NRP1: variants seen among roughly 807,000 people sequenced by gnomAD.
NRP1 encodes neuropilin-1.
Under a neutral mutation model 106.7 loss-of-function variants are expected in NRP1, and 35 were observed. That is an observed-to-expected ratio of 0.33 (90% CI 0.25 to 0.43). The LOEUF (loss-of-function observed/expected upper bound fraction) is 0.43, where lower values mean the gene tolerates loss of function less well. Ranked by LOEUF, NRP1 falls within the 20% of genes least tolerant of loss-of-function variation. The pLI is 1.00. For synonymous variants in NRP1, 437 were observed against 417.9 expected, an observed-to-expected ratio of 1.05 and a Z score of -0.56; for missense variants, 1,024 against 1,170.4, an observed-to-expected ratio of 0.87 and a Z score of 1.83.
chr10:33,202,824 G>C, intron 11 of NRP1, 67 bp downstream of exon 11: 1 of 1,613,812 alleles, frequency 6.2e-7, no homozygotes, highest in Non-Finnish European at 8.5e-7. Context: ...ACACACAGGC[G>C]TTAGCTGGTC....
intron 8 of NRP1, among the ~76,000 whole-genome samples, chr10:33,219,220 G>T (rs769140298): frequency 1.3e-5 from 2 of 152,094 alleles, no homozygotes; most frequent in Non-Finnish European, 2.9e-5. Context: ...TCCTCTCATT[G>T]ACTCCTCATT....
chr10:33,251,872 C>T (rs972673986), intron 6 of NRP1, among the ~76,000 whole-genome samples: 24 of 152,022 alleles, frequency 1.6e-4, no homozygotes, highest in Admixed American at 1.2e-3. Flanking sequence ...GGCAAGAGCG[C>T]GGTCCCTTTA....
intron 8 of NRP1, among the ~76,000 whole-genome samples, chr10:33,214,627 AT>A (rs1361127197): frequency 1.3e-5 from 2 of 152,246 alleles, no homozygotes; most frequent in South Asian, 4.2e-4. Context: ...TGCTACTTAA[AT>A]TTTCAGAAAA....
At chr10:33,187,104 C>T (rs527261367) in intron 13 of NRP1, among the ~76,000 whole-genome samples, 3 of 152,188 alleles carry the variant, frequency 2.0e-5, no homozygotes, top group South Asian at 4.2e-4. Flanking sequence ...AACTCCTGGC[C>T]TCAAGCAATC....
At chr10:33,299,834 C>T (rs779615322) in intron 2 of NRP1, among the ~76,000 whole-genome samples, 6 of 152,154 alleles carry the variant, frequency 3.9e-5, no homozygotes, top group Non-Finnish European at 8.8e-5. Context: ...GATGACGATG[C>T]TTGCTTGAGA....
At chr10:33,210,884 G>A (rs888211612) in intron 9 of NRP1, among the ~76,000 whole-genome samples, 5 of 152,098 alleles carry the variant, frequency 3.3e-5, no homozygotes, top group East Asian at 1.9e-4. Flanking sequence ...ACCATGTGCC[G>A]CTCTAAAATG....
chr10:33,231,080 G>T (rs1840087601), intron 6 of NRP1, among the ~76,000 whole-genome samples: 1 of 152,148 alleles, frequency 6.6e-6, no homozygotes, highest in African/African-American at 2.4e-5. Flanking sequence ...TTTTCTAGCT[G>T]CATGTCTTGA....
chr10:33,244,871 T>G (rs117540682), intron 6 of NRP1, among the ~76,000 whole-genome samples: 2,374 of 152,338 alleles, frequency 0.016, 26 homozygotes, highest in Non-Finnish European at 0.025. Flanking sequence ...ATCTTGTCAA[T>G]GATAATTTGC....
At chr10:33,224,478 T>A (rs1839500804) in intron 7 of NRP1, among the ~76,000 whole-genome samples, 1 of 152,084 alleles carries the variant, frequency 6.6e-6, no homozygotes, top group Non-Finnish European at 1.5e-5. Flanking sequence ...AGTATAAAGA[T>A]AATGAAATAC....
intron 8 of NRP1, among the ~76,000 whole-genome samples, chr10:33,216,499 G>A (rs1422042112): frequency 6.6e-6 from 1 of 151,760 alleles, no homozygotes; most frequent in Non-Finnish European, 1.5e-5. Context: ...TGTCACCCAG[G>A]CTGGAGTGGA....
chr10:33,334,536 AATGCCTGG>A lies in NRP1; in HGVS notation c.-162_-155del. The A allele has an allele frequency of 1.6e-6, 1 of 628,168 alleles. No individual in the cohort carries two copies. Among genetic ancestry groups the A allele is most frequent in the Non-Finnish European group, 2.7e-6 (1 of 371,374 alleles). 38.9% of individuals were successfully genotyped at this position (628,168 alleles called of 1,614,324 possible). A position where few individuals can be genotyped will look rare whatever the true frequency, so the allele number is the denominator to read the frequency against. ...CTTGGAGAAAAGAAAGCAGCGAGGC[AATGCCTGG>A]ATCCGAGAGGAACGCTTCTCTTTTT... On this transcript the variant is annotated 5_prime_UTR_variant, in exon 1 of 17. It removes the in-frame stop codon of an upstream open reading frame in the 5' UTR. Transcript: ENST00000374867.
At chr10:33,329,242 A>G (rs1437381987) in intron 2 of NRP1, among the ~76,000 whole-genome samples, 1 of 152,210 alleles carries the variant, frequency 6.6e-6, no homozygotes, top group Non-Finnish European at 1.5e-5. Context: ...TAATGCCCTG[A>G]GGCACTTCTG....
chr10:33,230,417 A>G (rs533023571), intron 6 of NRP1, among the ~76,000 whole-genome samples: 1 of 152,318 alleles, frequency 6.6e-6, no homozygotes, highest in African/African-American at 2.4e-5. Flanking sequence ...GAAGAATTCT[A>G]TGCCCTCCCC....
At chr10:33,218,558 G>C (rs1262841537) in intron 8 of NRP1, among the ~76,000 whole-genome samples, 1 of 151,994 alleles carries the variant, frequency 6.6e-6, no homozygotes, top group Non-Finnish European at 1.5e-5. Flanking sequence ...TGTTAGCCAG[G>C]ATGGTCTCAA....
At chr10:33,305,225 T>A (rs1283722018) in intron 2 of NRP1, among the ~76,000 whole-genome samples, 3 of 152,258 alleles carry the variant, frequency 2.0e-5, no homozygotes, top group Non-Finnish European at 2.9e-5. Flanking sequence ...AAAAATGATT[T>A]AAAAAATTTT....
intron 2 of NRP1, among the ~76,000 whole-genome samples, chr10:33,320,270 G>A (rs1365812867): frequency 1.3e-5 from 2 of 149,364 alleles, no homozygotes; most frequent in Non-Finnish European, 3.0e-5. Context: ...CCGACTTTGC[G>A]CCACTGCACT....
chr10:33,252,269 G>T (rs566090753), intron 6 of NRP1, among the ~76,000 whole-genome samples: 90 of 152,112 alleles, frequency 5.9e-4, no homozygotes, highest in Non-Finnish European at 1.1e-3. Context: ...AACCTTGCAC[G>T]CATTCTCCAA....
At chr10:33,193,428 T>G (rs537767737) in intron 12 of NRP1, among the ~76,000 whole-genome samples, 1 of 152,342 alleles carries the variant, frequency 6.6e-6, no homozygotes, top group Admixed American at 6.5e-5. Context: ...TTCTGCCCCC[T>G]CCTTTCGTCC....
chr10:33,316,053 G>A (rs570099365), intron 2 of NRP1, among the ~76,000 whole-genome samples: 1 of 152,282 alleles, frequency 6.6e-6, no homozygotes. Flanking sequence ...AGTTAAAAAT[G>A]GTTACTTCCT....
Sources: allele counts gnomAD v4.1 joint callset (sites outside exome capture counted in the v4.1 genomes callset), GRCh38; gene constraint gnomAD v4.1.1; transcripts MANE v1.5; gene names NCBI Gene and HGNC (gene_info 2026-07-23, HGNC 2026-07-21).